The following ADCY8 variants were observed in gnomAD, a reference collection of about 807,000 sequenced individuals.
The protein encoded by ADCY8 is adenylate cyclase type 8.
Under a neutral mutation model 119.7 loss-of-function variants are expected in ADCY8, and 51 were observed. The observed-to-expected ratio is 0.43, with a 90% CI of 0.34 to 0.54. The LOEUF (loss-of-function observed/expected upper bound fraction) is 0.54. Among genes scored for constraint, ADCY8 ranks in the 20% least tolerant of loss-of-function variants. The pLI is 0.03. For synonymous variants in ADCY8, 665 were observed against 651.0 expected (o/e 1.02, Z -0.33); for missense variants, 1,383 against 1,598.8 (o/e 0.87, Z 2.30).
At chr8:130,970,880 C>T (rs10956567) in intron 2 of ADCY8, among the ~76,000 whole-genome samples, 149,795 of 152,330 alleles carry the variant, frequency 0.98, 73,664 homozygotes, top group African/African-American at 1. Flanking sequence ...TGACAGGGAC[C>T]TGGAACATGG....
chr8:130,994,247 G>A (rs533211586), intron 1 of ADCY8, among the ~76,000 whole-genome samples: 1 of 152,322 alleles, frequency 6.6e-6, no homozygotes, highest in South Asian at 2.1e-4. Flanking sequence ...TCTGCCCTGT[G>A]GGCTTTACAT....
At chr8:130,874,861 C>G (rs927181972) in intron 8 of ADCY8, among the ~76,000 whole-genome samples, 1 of 152,106 alleles carries the variant, frequency 6.6e-6, no homozygotes, top group Non-Finnish European at 1.5e-5. Flanking sequence ...TCCAGCCCCC[C>G]ACCCACACCC....
At chr8:131,011,544 G>A (rs912714251) in intron 1 of ADCY8, among the ~76,000 whole-genome samples, 1 of 152,152 alleles carries the variant, frequency 6.6e-6, no homozygotes, top group Admixed American at 6.5e-5. Flanking sequence ...GGACAGCAAG[G>A]GCTCTGCTTT....
At chr8:130,839,023 A>T (rs949777103) in intron 11 of ADCY8, among the ~76,000 whole-genome samples, 1 of 139,790 alleles carries the variant, frequency 7.2e-6, no homozygotes, top group African/African-American at 2.4e-5. Context: ...ATGGAAAGGG[A>T]CGGGCATTTT....
intron 7 of ADCY8, among the ~76,000 whole-genome samples, chr8:130,886,357 G>A (rs1417777570): frequency 6.6e-6 from 1 of 152,060 alleles, no homozygotes; most frequent in East Asian, 1.9e-4. Flanking sequence ...GGGGTGGCAT[G>A]TTAGGAGAAG....
At chr8:130,934,041 C>G (rs560390617) in intron 5 of ADCY8, among the ~76,000 whole-genome samples, 4 of 152,328 alleles carry the variant, frequency 2.6e-5, no homozygotes, top group Non-Finnish European at 5.9e-5. Flanking sequence ...ACATGTTTAT[C>G]ACTGTATTTC....
chr8:130,881,260 T>C (rs1586524865), intron 8 of ADCY8, among the ~76,000 whole-genome samples: 1 of 152,214 alleles, frequency 6.6e-6, no homozygotes, highest in South Asian at 2.1e-4. Context: ...CAAGTATTTA[T>C]GCAATACCAT....
At chr8:130,831,429 C>T (rs1816830870) in intron 12 of ADCY8, among the ~76,000 whole-genome samples, 1 of 152,064 alleles carries the variant, frequency 6.6e-6, no homozygotes, top group African/African-American at 2.4e-5. Context: ...CACTTAAGTA[C>T]ACAGATTGGA....
rs562317089 is a variant in ADCY8, at chr8:130,840,704, G to A, written c.2503-4255C>T. On this transcript the variant is annotated intron_variant, in intron 11 of 17. Coordinates refer to ENST00000286355, the MANE Select transcript of ADCY8 (RefSeq NM_001115.3). Reference sequence around the variant, plus strand: ...TGTGCAATATCAAATGAAACAGTAGGTTGAATACAGTGTTTTGGGGTAAAT... The same window carrying A: ...TGTGCAATATCAAATGAAACAGTAGATTGAATACAGTGTTTTGGGGTAAAT... 1.4e-4 allele frequency among the ~76,000 whole-genome samples: 22 copies of A among 152,222 alleles called. No individual in the cohort carries two copies. In the South Asian group the frequency reaches 1.9e-3, roughly 13 times the overall value.
chr8:130,941,109 C>T (rs1820941674), intron 4 of ADCY8, among the ~76,000 whole-genome samples: 1 of 152,136 alleles, frequency 6.6e-6, no homozygotes, highest in African/African-American at 2.4e-5. Context: ...TCCCAAAAAA[C>T]TTTATAGTAT....
chr8:131,027,536 GA>G (rs1429767030), intron 1 of ADCY8, among the ~76,000 whole-genome samples: 2 of 152,198 alleles, frequency 1.3e-5, no homozygotes. Context: ...CACTAGAACA[GA>G]AAGAGCAGGA....
intron 2 of ADCY8, among the ~76,000 whole-genome samples, chr8:130,962,813 T>A (rs1198371922): frequency 1.3e-5 from 2 of 152,194 alleles, no homozygotes; most frequent in South Asian, 4.1e-4. Context: ...AATCTCTTTC[T>A]CTCCACTGCA....
intron 1 of ADCY8, among the ~76,000 whole-genome samples, chr8:131,001,788 G>A (rs1464555636): frequency 1.3e-5 from 2 of 151,986 alleles, no homozygotes; most frequent in African/African-American, 4.8e-5. Context: ...CACCATGGAT[G>A]TTCTTCCTCC....
rs73342484 is a variant in ADCY8 at position 130,845,621 on chromosome 8, C to T, written c.2502+1803G>A. ...CAAGAATTTCTCAGGGAGCCATTGT[C>T]CCACAGAGTACACTAAGCTGGGACT... is the stretch of plus-strand genomic sequence containing the variant. On this transcript the variant is annotated intron_variant, in intron 11 of 17. Coordinates refer to ENST00000286355, the MANE Select transcript of ADCY8 (RefSeq NM_001115.3). 4.0e-3 allele frequency among the ~76,000 whole-genome samples: 610 copies of T among 152,218 alleles called. 6 individuals are homozygous for T. The highest frequency in any genetic ancestry group is 0.014 in the African/African-American group (589 of 41,534).
intron 1 of ADCY8, among the ~76,000 whole-genome samples, chr8:130,993,731 T>C (rs1330539624): frequency 6.6e-6 from 1 of 152,186 alleles, no homozygotes; most frequent in African/African-American, 2.4e-5. Flanking sequence ...TTGTGAGGCC[T>C]CCCCAGCCAC....
chr8:130,947,868 G>A (rs770401817), intron 3 of ADCY8, among the ~76,000 whole-genome samples: 4 of 152,150 alleles, frequency 2.6e-5, no homozygotes, highest in Non-Finnish European at 5.9e-5. Context: ...CCAGATCCAT[G>A]CCTCTATTTG....
intron 3 of ADCY8, among the ~76,000 whole-genome samples, chr8:130,943,714 A>G (rs533141307): frequency 6.6e-6 from 1 of 152,320 alleles, no homozygotes; most frequent in South Asian, 2.1e-4. Context: ...GGCTGTGTAG[A>G]GTGGGCAATG....
At chr8:131,000,931 A>T (rs905382055) in intron 1 of ADCY8, among the ~76,000 whole-genome samples, 1 of 152,084 alleles carries the variant, frequency 6.6e-6, no homozygotes, top group Non-Finnish European at 1.5e-5. Flanking sequence ...GAAATAAAAG[A>T]GCCACCTAAG....
At chr8:130,935,432 T>TA (rs1347575030) in intron 5 of ADCY8, 1 of 152,230 alleles carries the variant, frequency 6.6e-6, no homozygotes, top group Non-Finnish European at 1.5e-5. Flanking sequence ...AGAATAAAAA[T>TA]ATGATGCTAC....
Sources: gnomAD v4.1 joint callset for allele counts (sites outside exome capture counted in the v4.1 genomes callset) on GRCh38, gnomAD v4.1.1 for gene constraint, MANE v1.5 for transcripts, NCBI Gene and HGNC (gene_info 2026-07-23, HGNC 2026-07-21) for gene names.